The following DIAPH2 variants were observed in gnomAD, a reference collection of about 807,000 sequenced individuals.
DIAPH2 encodes the protein diaphanous related formin 2.
In DIAPH2, 35 loss-of-function variants were observed where a neutral mutation model predicts 92.7. The ratio of observed to expected loss-of-function variants is 0.38; its 90% CI spans 0.29 to 0.50. The LOEUF is 0.50. DIAPH2 is among the 20% of genes least tolerant of loss of function. The pLI, the probability that DIAPH2 is intolerant of heterozygous loss-of-function variation, is 0.94. For synonymous variants in DIAPH2, 301 were observed against 280.4 expected, an observed-to-expected ratio of 1.07 and a Z score of -0.73; for missense variants, 701 against 819.5, an observed-to-expected ratio of 0.86 and a Z score of 1.77.
chrX:97,573,841 A>G (rs1243604127), intron 26 of DIAPH2, among the ~76,000 whole-genome samples: 2 of 109,660 alleles, frequency 1.8e-5, no homozygotes, highest in African/African-American at 3.3e-5. Flanking sequence ...CTGTATTTTC[A>G]GTACAGACAG....
intron 5 of DIAPH2, among the ~76,000 whole-genome samples, chrX:96,903,301 G>T (rs1670853167): frequency 9.0e-6 from 1 of 111,463 alleles, no homozygotes; most frequent in African/African-American, 3.3e-5. Flanking sequence ...CATAAACTTG[G>T]TATGAGCTCT....
chrX:97,459,447 T>G (rs191232026), intron 26 of DIAPH2, among the ~76,000 whole-genome samples: 1 of 112,243 alleles, frequency 8.9e-6, no homozygotes, highest in East Asian at 2.8e-4. Flanking sequence ...GAGAACTATA[T>G]GAGTTAACAT....
intron 24 of DIAPH2, among the ~76,000 whole-genome samples, chrX:97,375,613 A>G (rs2069492976): frequency 8.9e-6 from 1 of 112,443 alleles, no homozygotes; most frequent in South Asian, 3.7e-4. Context: ...TATTGCATAT[A>G]GAATTGCCTT....
At chrX:96,951,749 A>G (rs1042783782) in intron 15 of DIAPH2, among the ~76,000 whole-genome samples, 1 of 112,064 alleles carries the variant, frequency 8.9e-6, no homozygotes, top group Non-Finnish European at 1.9e-5. Context: ...TGGGAGGGAA[A>G]GGAAAGGCTG....
At chrX:97,186,167 T>G (rs2067603239) in intron 22 of DIAPH2, among the ~76,000 whole-genome samples, 1 of 111,756 alleles carries the variant, frequency 8.9e-6, no homozygotes, top group Non-Finnish European at 1.9e-5. Context: ...TACAAAATTT[T>G]GAATCCTGAC....
At chrX:96,933,534 A>G (rs994230337) in intron 10 of DIAPH2, among the ~76,000 whole-genome samples, 5 of 103,928 alleles carry the variant, frequency 4.8e-5, no homozygotes, top group African/African-American at 7.0e-5. Flanking sequence ...GTGTGTGTAT[A>G]TATGTGTATA....
intron 26 of DIAPH2, among the ~76,000 whole-genome samples, chrX:97,586,681 A>AT (rs1208904109): frequency 2.7e-5 from 3 of 111,781 alleles, no homozygotes; most frequent in African/African-American, 9.8e-5. Flanking sequence ...AGGATAATTC[A>AT]TCCATATCCT....
chrX:96,960,706 G>A (rs1230256208), intron 16 of DIAPH2, among the ~76,000 whole-genome samples: 1 of 111,388 alleles, frequency 9.0e-6, no homozygotes, highest in Non-Finnish European at 1.9e-5. Flanking sequence ...TTCATGTTTT[G>A]TCCATTCAGT....
At chrX:97,254,678 T>G (rs2068220951) in intron 23 of DIAPH2, among the ~76,000 whole-genome samples, 1 of 109,776 alleles carries the variant, frequency 9.1e-6, no homozygotes. Flanking sequence ...TAGGTACTAT[T>G]ACTAACTTTA....
chrX:96,706,263 T>C (rs1382721912), intron 1 of DIAPH2, among the ~76,000 whole-genome samples: 2 of 111,922 alleles, frequency 1.8e-5, no homozygotes, highest in Non-Finnish European at 3.8e-5. Flanking sequence ...CCAGTGTTAA[T>C]TGACATTTAT....
At chrX:96,882,338 C>T (rs926398724) in intron 5 of DIAPH2, among the ~76,000 whole-genome samples, 2 of 110,792 alleles carry the variant, frequency 1.8e-5, no homozygotes, top group Non-Finnish European at 3.8e-5. Flanking sequence ...TGTGAGCCAC[C>T]GCGCCCGGCC....
chrX:97,422,045 C>A (rs767895677), intron 25 of DIAPH2, among the ~76,000 whole-genome samples: 1 of 111,753 alleles, frequency 8.9e-6, no homozygotes, highest in African/African-American at 3.2e-5. Flanking sequence ...GATAGATATT[C>A]AGACATATGT....
intron 4 of DIAPH2, among the ~76,000 whole-genome samples, chrX:96,830,565 A>C (rs1427087755): frequency 1.6e-5 from 1 of 64,466 alleles, no homozygotes; most frequent in African/African-American, 5.2e-5. Flanking sequence ...AGCGAGACTC[A>C]GTCTCAAAAA....
intron 26 of DIAPH2, among the ~76,000 whole-genome samples, chrX:97,456,732 C>T (rs1160887013): frequency 4.5e-5 from 5 of 111,032 alleles, no homozygotes; most frequent in Non-Finnish European, 9.4e-5. Context: ...ATACAAAATA[C>T]AATAATATAA....
intron 26 of DIAPH2, among the ~76,000 whole-genome samples, chrX:97,449,949 G>A (rs1316164131): frequency 1.8e-5 from 2 of 108,448 alleles, no homozygotes; most frequent in African/African-American, 3.4e-5. Context: ...GCATGGTTAA[G>A]CCTAAGAAGC....
chrX:96,760,767 A>C (rs1286864997), intron 4 of DIAPH2, among the ~76,000 whole-genome samples: 1 of 111,493 alleles, frequency 9.0e-6, no homozygotes, highest in Non-Finnish European at 1.9e-5. Flanking sequence ...AAACCATAAG[A>C]TAATAATAAA....
At chrX:96,797,241 G>A (rs765347392) in intron 4 of DIAPH2, among the ~76,000 whole-genome samples, 1 of 110,999 alleles carries the variant, frequency 9.0e-6, no homozygotes, top group South Asian at 3.8e-4. Flanking sequence ...AGCACTTTGG[G>A]AGGCCGAGGC....
In DIAPH2 at chrX:97,601,974, C is replaced by A. The variant is rs1444683371; in HGVS notation, c.*2657C>A. 1 of 111,999 alleles carries A rather than the reference C, an allele frequency of 8.9e-6. No homozygotes were observed. Among genetic ancestry groups the A allele is most frequent in the African/African-American group, 3.3e-5 (1 of 30,754 alleles). 9.2% of individuals were successfully genotyped at this position (111,999 alleles called of 1,213,427 possible). On this transcript the variant is annotated 3_prime_UTR_variant, in exon 27 of 27. Transcript: ENST00000324765. ...TCTTCACATCACCCTCCTCTGTATA[C>A]CTAATCTGCCTCTGCCTCTGTTTAA...
intron 17 of DIAPH2, among the ~76,000 whole-genome samples, chrX:97,052,602 G>A (rs902741484): frequency 3.6e-5 from 4 of 110,764 alleles, no homozygotes; most frequent in Non-Finnish European, 3.8e-5. Flanking sequence ...AGTATAAGAT[G>A]AGAGGGCCTG....
Sources: gnomAD v4.1 joint callset for allele counts (sites outside exome capture counted in the v4.1 genomes callset) on GRCh38, gnomAD v4.1.1 for gene constraint, MANE v1.5 for transcripts, NCBI Gene and HGNC (gene_info 2026-07-23, HGNC 2026-07-21) for gene names.